SHISA6: variants seen among roughly 807,000 people sequenced by gnomAD.
SHISA6 encodes the protein shisa family member 6.
SHISA6 carries 22 observed loss-of-function variants against 47.9 expected under a neutral mutation model. The observed-to-expected ratio is 0.46, with a 90% CI of 0.33 to 0.66. SHISA6 has a LOEUF of 0.66. Among genes scored for constraint, SHISA6 ranks in the 30% least tolerant of loss-of-function variants. The pLI, the probability that SHISA6 is intolerant of heterozygous loss-of-function variation, is 0.02. For missense variants in SHISA6, 680 were observed against 764.6 expected (o/e 0.89, Z 1.30); for synonymous variants, 388 against 337.8 (o/e 1.15, Z -1.63).
At chr17:11,389,155 A>G (rs184909716) in intron 3 of SHISA6, among the ~76,000 whole-genome samples, 12 of 152,212 alleles carry the variant, frequency 7.9e-5, no homozygotes, top group Admixed American at 4.6e-4. Context: ...CCTCTAAGGT[A>G]GCACCACCAC....
chr17:11,421,004 C>T (rs1597504629), intron 3 of SHISA6, among the ~76,000 whole-genome samples: 2 of 152,152 alleles, frequency 1.3e-5, no homozygotes, highest in East Asian at 1.9e-4. Context: ...ATTCAGGAGA[C>T]ACAGATTATT....
At chr17:11,435,332 A>G (rs1334881063) in intron 3 of SHISA6, among the ~76,000 whole-genome samples, 1 of 152,232 alleles carries the variant, frequency 6.6e-6, no homozygotes, top group Non-Finnish European at 1.5e-5. Context: ...ACAGGAAAAT[A>G]TCTTTTATAA....
intron 2 of SHISA6, among the ~76,000 whole-genome samples, chr17:11,364,055 C>T (rs562400909): frequency 8.5e-5 from 13 of 152,274 alleles, no homozygotes; most frequent in East Asian, 1.9e-4. Flanking sequence ...TCCTGAGCAA[C>T]GCTAAGAATC....
intron 2 of SHISA6, among the ~76,000 whole-genome samples, chr17:11,361,691 A>G (rs1218821448): frequency 6.6e-6 from 1 of 152,240 alleles, no homozygotes; most frequent in Non-Finnish European, 1.5e-5. Flanking sequence ...TCCAGGGCTC[A>G]GAGCTTCAAT....
intron 1 of SHISA6, among the ~76,000 whole-genome samples, chr17:11,256,352 T>C (rs1263390790): frequency 6.6e-6 from 1 of 152,092 alleles, no homozygotes; most frequent in Admixed American, 6.6e-5. Flanking sequence ...AAAAAGTAGC[T>C]GGGCGTGGTG....
At chr17:11,444,967 T>C (rs1342685304) in intron 3 of SHISA6, among the ~76,000 whole-genome samples, 3 of 152,212 alleles carry the variant, frequency 2.0e-5, no homozygotes, top group African/African-American at 7.2e-5. Flanking sequence ...TATTGTACCA[T>C]GCAGATAAGT....
rs1044562398 is a variant in SHISA6, at chr17:11,373,478, A to G, written c.800-5936A>G. ...GAAATGAAACAGAGAAGTACCTTTT[A>G]TACTTTTTCTCAATTACATTTTTCT... On this transcript the variant is annotated intron_variant, in intron 2 of 5. Transcript: ENST00000441885. 2.0e-4 allele frequency among the ~76,000 whole-genome samples: 31 copies of G among 152,144 alleles called. 1 individual carries two copies. The highest frequency in any genetic ancestry group is 5.6e-4 in the African/African-American group (23 of 41,440).
At chr17:11,245,547 C>T (rs1273872639) in intron 1 of SHISA6, among the ~76,000 whole-genome samples, 1 of 152,278 alleles carries the variant, frequency 6.6e-6, no homozygotes, top group East Asian at 1.9e-4. Flanking sequence ...GTTCCTTCCT[C>T]CTCACCCTGA....
intron 3 of SHISA6, among the ~76,000 whole-genome samples, chr17:11,533,974 T>TTTTTG (rs1555543051): frequency 6.6e-6 from 1 of 150,610 alleles, no homozygotes; most frequent in Non-Finnish European, 1.5e-5. Context: ...TCTAACTTTT[T>TTTTTG]TTTGTTTGTT....
intron 2 of SHISA6, among the ~76,000 whole-genome samples, chr17:11,376,101 T>G (rs535974932): frequency 4.6e-5 from 7 of 152,296 alleles, no homozygotes; most frequent in Non-Finnish European, 8.8e-5. Flanking sequence ...AAGTTTGCCC[T>G]CTTTTGTCCT....
intron 3 of SHISA6, among the ~76,000 whole-genome samples, chr17:11,415,991 G>A (rs1050800884): frequency 1.3e-5 from 2 of 152,146 alleles, no homozygotes; most frequent in East Asian, 1.9e-4. Flanking sequence ...GATAGGCTTC[G>A]TCTCCTTATA....
intron 3 of SHISA6, among the ~76,000 whole-genome samples, chr17:11,510,529 C>T (rs1597559784): frequency 6.6e-6 from 1 of 152,304 alleles, no homozygotes; most frequent in East Asian, 1.9e-4. Flanking sequence ...CTAGGTAGTG[C>T]TTAAGCCACA....
At chr17:11,391,936 A>T (rs1913398861) in intron 3 of SHISA6, among the ~76,000 whole-genome samples, 1 of 152,152 alleles carries the variant, frequency 6.6e-6, no homozygotes, top group Non-Finnish European at 1.5e-5. Flanking sequence ...GACCATTCAT[A>T]TCCTTGTTTA....
chr17:11,472,895 T>C (rs1366889181), intron 3 of SHISA6, among the ~76,000 whole-genome samples: 1 of 152,204 alleles, frequency 6.6e-6, no homozygotes, highest in African/African-American at 2.4e-5. Context: ...GATTTGCATT[T>C]TCTTGATGAC....
intron 3 of SHISA6, among the ~76,000 whole-genome samples, chr17:11,422,330 A>C (rs1914471029): frequency 6.6e-6 from 1 of 152,078 alleles, no homozygotes; most frequent in African/African-American, 2.4e-5. Context: ...GAGGTGCAAG[A>C]CCATACCTGT....
intron 2 of SHISA6, among the ~76,000 whole-genome samples, chr17:11,317,749 G>C (rs1331235566): frequency 1.3e-5 from 2 of 149,740 alleles, no homozygotes; most frequent in African/African-American, 4.9e-5. Flanking sequence ...TCTTCTTTCC[G>C]TTTTAAAAAC....
At chr17:11,248,999 C>T (rs1597420344) in intron 1 of SHISA6, among the ~76,000 whole-genome samples, 4 of 152,046 alleles carry the variant, frequency 2.6e-5, no homozygotes, top group African/African-American at 9.7e-5. Context: ...ATTAGCCGGG[C>T]TTGGTGGCGG....
At chr17:11,505,059 A>T (rs751671372) in intron 3 of SHISA6, among the ~76,000 whole-genome samples, 1 of 152,196 alleles carries the variant, frequency 6.6e-6, no homozygotes, top group African/African-American at 2.4e-5. Context: ...GTTTTAGCAA[A>T]GCCTCATTAT....
intron 2 of SHISA6, among the ~76,000 whole-genome samples, chr17:11,295,070 CAA>C: frequency 6.6e-6 from 1 of 152,266 alleles, no homozygotes; most frequent in African/African-American, 2.4e-5. Context: ...AAATACTGGA[CAA>C]AGAGATGATT....
Sources: gnomAD v4.1 joint callset for allele counts (sites outside exome capture counted in the v4.1 genomes callset) on GRCh38, gnomAD v4.1.1 for gene constraint, MANE v1.5 for transcripts, NCBI Gene and HGNC (gene_info 2026-07-23, HGNC 2026-07-21) for gene names.